BCL2L1: variants seen among roughly 807,000 people sequenced by gnomAD.
BCL2L1 encodes bcl-2-like protein 1.
A neutral mutation model predicts 18.7 loss-of-function variants in BCL2L1; 1 was observed. The ratio of observed to expected loss-of-function variants is 0.05; its 90% confidence interval spans 0.02 to 0.25. The LOEUF (loss-of-function observed/expected upper bound fraction) is 0.25, where lower values mean the gene tolerates loss of function less well. BCL2L1 is among the 10% of genes least tolerant of loss of function. The pLI, the probability that BCL2L1 is intolerant of heterozygous loss-of-function variation, is 1.00. For synonymous variants in BCL2L1, 103 were observed against 122.7 expected, an observed-to-expected ratio of 0.84 and a Z score of 1.06; for missense variants, 207 against 304.9, an observed-to-expected ratio of 0.68 and a Z score of 2.39.
At chr20:31,691,718 A>G (rs1160123545) in intron 2 of BCL2L1, among the ~76,000 whole-genome samples, 5 of 152,162 alleles carry the variant, frequency 3.3e-5, no homozygotes, top group African/African-American at 1.2e-4. Context: ...CCCATAAGAA[A>G]AAGTCAAATC....
rs770055952 is a variant in BCL2L1, at chr20:31,665,629, G to A, written c.*320C>T. On this transcript the variant is annotated 3_prime_UTR_variant, in exon 3 of 3. Coordinates refer to ENST00000307677, the MANE Select transcript of BCL2L1 (RefSeq NM_138578.3). ...AGAAAAACATTTTCAGGGAGGCTAAGGGGTAAGGGTTGCACCAATCAGGTA... is the reference window on the plus strand; with the variant it reads ...AGAAAAACATTTTCAGGGAGGCTAAAGGGTAAGGGTTGCACCAATCAGGTA... The A allele has an allele frequency of 1.6e-4, 51 of 326,550 alleles. No homozygotes were observed. The highest frequency in any genetic ancestry group is 2.1e-5 in the African/African-American group (1 of 47,126). 20.2% of individuals were successfully genotyped at this position (326,550 alleles called of 1,614,324 possible). A position where few individuals can be genotyped will look rare whatever the true frequency, so the allele number is the denominator to read the frequency against.
intron 2 of BCL2L1, among the ~76,000 whole-genome samples, chr20:31,676,454 T>C (rs989605884): frequency 1.3e-5 from 2 of 152,174 alleles, no homozygotes; most frequent in Non-Finnish European, 2.9e-5. Context: ...TAACTGTTCC[T>C]GGGTGGCTGC....
chr20:31,685,689 T>C (rs2060944255), intron 2 of BCL2L1, among the ~76,000 whole-genome samples: 1 of 152,180 alleles, frequency 6.6e-6, no homozygotes, highest in Non-Finnish European at 1.5e-5. Context: ...TCTCTAAGGC[T>C]TTCTCTCCAG....
intron 2 of BCL2L1, chr20:31,716,593 G>A (rs1460009083): frequency 6.6e-6 from 1 of 152,170 alleles, no homozygotes; most frequent in African/African-American, 2.4e-5. Flanking sequence ...TGTTTCTTCA[G>A]AAATTTAGTG....
intron 2 of BCL2L1, among the ~76,000 whole-genome samples, chr20:31,671,269 T>A (rs2060664704): frequency 6.6e-6 from 1 of 152,044 alleles, no homozygotes; most frequent in Non-Finnish European, 1.5e-5. Flanking sequence ...GAGCCTACAC[T>A]AGAAAACTGG....
chr20:31,669,418 CTTTG>C (rs1261177894), intron 2 of BCL2L1, among the ~76,000 whole-genome samples: 1 of 150,344 alleles, frequency 6.7e-6, no homozygotes, highest in Non-Finnish European at 1.5e-5. Context: ...AGATTCTGTA[CTTTG>C]TTTTTGTTGT....
upstream of BCL2L1, chr20:31,723,346 C>T: frequency 1.0e-6 from 1 of 985,536 alleles, no homozygotes; most frequent in Non-Finnish European, 1.2e-6. Flanking sequence ...TGGGCCTCTC[C>T]TCAGGTCAGG....
chr20:31,693,231 G>A (rs1234866221), intron 2 of BCL2L1, among the ~76,000 whole-genome samples: 1 of 149,032 alleles, frequency 6.7e-6, no homozygotes, highest in East Asian at 2.0e-4. Context: ...GCTTTGAGAA[G>A]CTGAGGTAGG....
Position 31,665,835 on chromosome 20 carries a change from G to A in BCL2L1, c.*114C>T, listed in dbSNP as rs1022080146. 1 of 1,387,066 alleles carries A rather than the reference G, an allele frequency of 7.2e-7. No individual in the cohort carries two copies. The highest frequency in any genetic ancestry group is 9.9e-7 in the Non-Finnish European group (1 of 1,011,296). 85.9% of individuals were successfully genotyped at this position (1,387,066 alleles called of 1,614,324 possible). A position where few individuals can be genotyped will look rare whatever the true frequency, so the allele number is the denominator to read the frequency against. ...AGATCTGGGCCCAACCCTGTGATGG[G>A]CAGGTGGGCATGGGCTGCATGTAGT... On this transcript the variant is annotated 3_prime_UTR_variant, in exon 3 of 3. Transcript: ENST00000307677.
At chr20:31,713,060 G>A (rs899334433) in intron 2 of BCL2L1, among the ~76,000 whole-genome samples, 3 of 152,130 alleles carry the variant, frequency 2.0e-5, no homozygotes, top group Non-Finnish European at 4.4e-5. Context: ...CTATGCAGGG[G>A]TGGGGTGGAA....
intron 2 of BCL2L1, among the ~76,000 whole-genome samples, chr20:31,691,520 AAAAAT>A (rs143142638): frequency 0.27 from 38,604 of 144,452 alleles, 6,276 homozygotes; most frequent in African/African-American, 0.45. Flanking sequence ...TCTCAAAATA[AAAAAT>A]AAAATAAAAT....
At chr20:31,694,868 G>A (rs1028423553) in intron 2 of BCL2L1, among the ~76,000 whole-genome samples, 1 of 152,022 alleles carries the variant, frequency 6.6e-6, no homozygotes, top group African/African-American at 2.4e-5. Flanking sequence ...CCAGGAGTTC[G>A]AGACAAGCAC....
chr20:31,719,994 G>A, intron 2 of BCL2L1: 23 of 678,930 alleles, frequency 3.4e-5, no homozygotes, highest in Non-Finnish European at 4.2e-5. Flanking sequence ...AAAGCAGGAG[G>A]GAACAGGAGA....
chr20:31,702,295 G>A (rs187039013), intron 2 of BCL2L1, among the ~76,000 whole-genome samples: 10 of 152,300 alleles, frequency 6.6e-5, no homozygotes, highest in Non-Finnish European at 8.8e-5. Context: ...GAATGATGGA[G>A]GGGCAGCCAG....
chr20:31,708,488 A>T (rs2061404020), intron 2 of BCL2L1, among the ~76,000 whole-genome samples: 1 of 152,210 alleles, frequency 6.6e-6, no homozygotes, highest in African/African-American at 2.4e-5. Flanking sequence ...TAACTAGGTC[A>T]TCAGGTTCCT....
intron 2 of BCL2L1, among the ~76,000 whole-genome samples, chr20:31,706,721 A>G (rs1414646983): frequency 6.6e-6 from 1 of 152,260 alleles, no homozygotes; most frequent in African/African-American, 2.4e-5. Context: ...ATGCTTGTTG[A>G]CTGAATGAAT....
chr20:31,687,112 G>A (rs974551483), intron 2 of BCL2L1, among the ~76,000 whole-genome samples: 1 of 152,056 alleles, frequency 6.6e-6, no homozygotes, highest in Non-Finnish European at 1.5e-5. Flanking sequence ...GAAGTCAGGA[G>A]TTTGAGACCA....
chr20:31,691,826 G>T (rs1475041508), intron 2 of BCL2L1, among the ~76,000 whole-genome samples: 4 of 152,148 alleles, frequency 2.6e-5, no homozygotes, highest in Non-Finnish European at 5.9e-5. Flanking sequence ...TGTAATCTGA[G>T]AAATGCAAAT....
chr20:31,686,039 C>A (rs1227800937), intron 2 of BCL2L1, among the ~76,000 whole-genome samples: 3 of 152,184 alleles, frequency 2.0e-5, no homozygotes, highest in African/African-American at 7.2e-5. Context: ...GACTTGCAAA[C>A]CCCTGTCCTT....
Sources: gnomAD v4.1 joint callset for allele counts (sites outside exome capture counted in the v4.1 genomes callset) on GRCh38, gnomAD v4.1.1 for gene constraint, MANE v1.5 for transcripts, NCBI Gene and HGNC (gene_info 2026-07-23, HGNC 2026-07-21) for gene names.